Variants in PTPRO observed in about 807,000 individuals in gnomAD.
The protein encoded by PTPRO is protein tyrosine phosphatase receptor type O, also known as receptor-type tyrosine-protein phosphatase O.
Under a neutral mutation model 145.2 loss-of-function variants are expected in PTPRO, and 62 were observed. The ratio of observed to expected loss-of-function variants is 0.43; its 90% CI spans 0.35 to 0.53. The LOEUF (loss-of-function observed/expected upper bound fraction) is 0.53. Among genes scored for constraint, PTPRO ranks in the 20% least tolerant of loss-of-function variants. The pLI, the probability that PTPRO is intolerant of heterozygous loss-of-function variation, is 0.01. For missense variants in PTPRO, 1,345 were observed against 1,482.7 expected (o/e 0.91, Z 1.53); for synonymous variants, 565 against 514.7 (o/e 1.10, Z -1.32).
intron 11 of PTPRO, among the ~76,000 whole-genome samples, chr12:15,525,600 G>A (rs994793597): frequency 2.6e-5 from 4 of 152,172 alleles, no homozygotes; most frequent in African/African-American, 9.7e-5. Flanking sequence ...GCAGGAAGGG[G>A]AAAAGAAAAG....
chr12:15,461,206 T>G (rs1410045493), intron 1 of PTPRO, among the ~76,000 whole-genome samples: 1 of 152,250 alleles, frequency 6.6e-6, no homozygotes, highest in Non-Finnish European at 1.5e-5. Flanking sequence ...TTCTTTCTAT[T>G]GATCCCAGAT....
At chr12:15,447,219 T>C (rs528916882) in intron 1 of PTPRO, among the ~76,000 whole-genome samples, 22 of 152,266 alleles carry the variant, frequency 1.4e-4, no homozygotes, top group African/African-American at 5.1e-4. Flanking sequence ...TTTTTGTCTT[T>C]GTGGATGGAT....
At chr12:15,571,726 C>T (rs865997815) in intron 19 of PTPRO, among the ~76,000 whole-genome samples, 10 of 152,000 alleles carry the variant, frequency 6.6e-5, no homozygotes, top group Admixed American at 2.0e-4. Context: ...TTTTGATGGA[C>T]GAGCCTGTGT....
intron 1 of PTPRO, among the ~76,000 whole-genome samples, chr12:15,459,023 A>C (rs1941243232): frequency 6.6e-6 from 1 of 152,166 alleles, no homozygotes; most frequent in Admixed American, 6.5e-5. Context: ...GGGGCTTCTC[A>C]AATCTGTATG....
intron 25 of PTPRO, among the ~76,000 whole-genome samples, chr12:15,593,646 A>G (rs903746123): frequency 6.6e-6 from 1 of 152,204 alleles, no homozygotes; most frequent in Non-Finnish European, 1.5e-5. Context: ...TTCATTAAAG[A>G]TACACTATTG....
chr12:15,568,378 C>T (rs900183792), intron 18 of PTPRO, among the ~76,000 whole-genome samples: 2 of 152,032 alleles, frequency 1.3e-5, no homozygotes, highest in South Asian at 2.1e-4. Context: ...TGCAGTGAGC[C>T]GAAATAGTGC....
At chr12:15,512,386 A>T (rs1942460497) in intron 7 of PTPRO, among the ~76,000 whole-genome samples, 1 of 152,138 alleles carries the variant, frequency 6.6e-6, no homozygotes. Context: ...AAGTGCTGGG[A>T]TTACAGGCGT....
At chr12:15,434,000 T>G (rs945289219) in intron 1 of PTPRO, among the ~76,000 whole-genome samples, 1 of 152,212 alleles carries the variant, frequency 6.6e-6, no homozygotes. Context: ...TTCTGTCCTT[T>G]CACTGAATAT....
intron 19 of PTPRO, among the ~76,000 whole-genome samples, chr12:15,574,137 A>G (rs1194973259): frequency 6.6e-6 from 1 of 152,234 alleles, no homozygotes; most frequent in African/African-American, 2.4e-5. Flanking sequence ...ATTTATAGAT[A>G]CTACCAATAC....
chr12:15,498,534 G>A (rs1942154278), intron 3 of PTPRO, among the ~76,000 whole-genome samples: 1 of 152,070 alleles, frequency 6.6e-6, no homozygotes, highest in Non-Finnish European at 1.5e-5. Flanking sequence ...CTCCAGCCTG[G>A]GCAACAGAGC....
chr12:15,393,602 G>T (rs1243569147), intron 1 of PTPRO, among the ~76,000 whole-genome samples: 6 of 151,606 alleles, frequency 4.0e-5, no homozygotes, highest in African/African-American at 1.5e-4. Flanking sequence ...GTTATAGAAT[G>T]AATGGCCTTG....
rs1409616736 is a variant in PTPRO at position 15,501,880 on chromosome 12, G to C, written c.922G>C (p.Glu308Gln). Residue 308 changes from glutamate (E) to glutamine (Q), a missense_variant, in exon 5 of 27, where the codon GAA (glutamate) becomes CAA (glutamine). Glu to Gln is a conservative substitution (Grantham distance 29). Coordinates refer to ENST00000281171, the MANE Select transcript of PTPRO (RefSeq NM_030667.3). ...GTGGGACAGTGCATCTGCAGCTCCT[G>C]AAAGTGAAGATGAATTTGTCAGCGT... is the stretch of plus-strand genomic sequence containing the variant. ...YWWDSASAAP[E>Q]SEDEFVSVLP... 3 of 1,613,990 alleles carry C rather than the reference G, an allele frequency of 1.9e-6. No homozygotes were observed. Among genetic ancestry groups the C allele is most frequent in the Non-Finnish European group, 2.5e-6 (3 of 1,180,016 alleles).
At chr12:15,474,492 A>T (rs1268514343) in intron 1 of PTPRO, among the ~76,000 whole-genome samples, 1 of 152,182 alleles carries the variant, frequency 6.6e-6, no homozygotes, top group African/African-American at 2.4e-5. Flanking sequence ...GGATATATGG[A>T]TCCTAGACCT....
intron 1 of PTPRO, among the ~76,000 whole-genome samples, chr12:15,383,270 C>T (rs1938920129): frequency 6.6e-6 from 1 of 152,214 alleles, no homozygotes; most frequent in Non-Finnish European, 1.5e-5. Flanking sequence ...TCCTCCATAT[C>T]TATCCATGTT....
At chr12:15,505,700 T>C (rs1942307480) in intron 6 of PTPRO, among the ~76,000 whole-genome samples, 1 of 152,216 alleles carries the variant, frequency 6.6e-6, no homozygotes, top group Non-Finnish European at 1.5e-5. Flanking sequence ...ACTGGGTAAA[T>C]GAGCAAAAAT....
chr12:15,440,285 C>G (rs961466215), intron 1 of PTPRO: 2 of 577,276 alleles, frequency 3.5e-6, no homozygotes. Flanking sequence ...GACCCCCAAC[C>G]TCCGGAAGGA....
At chr12:15,430,772 G>T (rs573736502) in intron 1 of PTPRO, among the ~76,000 whole-genome samples, 3 of 152,236 alleles carry the variant, frequency 2.0e-5, no homozygotes, top group African/African-American at 7.2e-5. Flanking sequence ...ATGTTAATTA[G>T]CTTGATTTAA....
chr12:15,590,742 T>C (rs1439115827), intron 25 of PTPRO, among the ~76,000 whole-genome samples: 1 of 152,234 alleles, frequency 6.6e-6, no homozygotes, highest in Non-Finnish European at 1.5e-5. Flanking sequence ...CTCTCATTGA[T>C]AATTAGGAAG....
intron 1 of PTPRO, among the ~76,000 whole-genome samples, chr12:15,430,028 T>G (rs573843481): frequency 5.9e-5 from 9 of 151,944 alleles, no homozygotes; most frequent in African/African-American, 2.2e-4. Flanking sequence ...ATTTTTGGTT[T>G]GATTTAAGAG....
Sources: gnomAD v4.1 joint callset for allele counts (sites outside exome capture counted in the v4.1 genomes callset) on GRCh38, gnomAD v4.1.1 for gene constraint, MANE v1.5 for transcripts, NCBI Gene and HGNC (gene_info 2026-07-23, HGNC 2026-07-21) for gene names.